The following ERC2 variants were observed in gnomAD, a reference collection of about 807,000 sequenced individuals.
ERC2 encodes the protein ERC protein 2.
A neutral mutation model predicts 114.8 loss-of-function variants in ERC2; 42 were observed. The ratio of observed to expected loss-of-function variants is 0.37; its 90% CI spans 0.29 to 0.47. ERC2 has a LOEUF of 0.47. Among genes scored for constraint, ERC2 ranks in the 20% least tolerant of loss-of-function variants. The probability of loss-of-function intolerance (pLI) is 0.99; values close to 1 mark genes in which losing one functional copy is unlikely to be tolerated. For synonymous variants in ERC2, 454 were observed against 425.5 expected (o/e 1.07, Z -0.82); for missense variants, 939 against 1,150.7 (o/e 0.82, Z 2.66).
chr3:55,997,915 TG>T (rs1559997021), intron 10 of ERC2, among the ~76,000 whole-genome samples: 45 of 38,812 alleles, frequency 1.2e-3, no homozygotes, highest in Non-Finnish European at 1.4e-3. Flanking sequence ...TTTGTGTGTG[TG>T]TGTGTGTTTT....
chr3:55,704,919 T>A (rs745931279), intron 15 of ERC2, among the ~76,000 whole-genome samples: 11 of 152,236 alleles, frequency 7.2e-5, no homozygotes, highest in Non-Finnish European at 2.9e-5. Flanking sequence ...TCCTGCTGAA[T>A]CCTCACTCCT....
At chr3:56,300,256 T>A (rs2055774343) in intron 2 of ERC2, among the ~76,000 whole-genome samples, 1 of 143,418 alleles carries the variant, frequency 7.0e-6, no homozygotes. Context: ...AGTTACTGAG[T>A]ATCTCCCTCA....
At chr3:55,589,240 A>AGAGAGG (rs1553713972) in intron 17 of ERC2, among the ~76,000 whole-genome samples, 16 of 143,804 alleles carry the variant, frequency 1.1e-4, no homozygotes, top group Admixed American at 6.9e-4. Context: ...AAAAAGAGAG[A>AGAGAGG]GAGAGAAGGA....
intron 1 of ERC2, among the ~76,000 whole-genome samples, chr3:56,460,858 C>A (rs955921015): frequency 6.6e-6 from 1 of 151,754 alleles, no homozygotes. Flanking sequence ...TGGTGGCTCA[C>A]GCCTGTAATC....
At chr3:55,950,262 T>A (rs1262186426) in intron 13 of ERC2, among the ~76,000 whole-genome samples, 163 bp downstream of exon 13, 1 of 152,346 alleles carries the variant, frequency 6.6e-6, no homozygotes, top group East Asian at 1.9e-4. Context: ...CTGAAAATGA[T>A]GACCCTCCCT....
intron 3 of ERC2, among the ~76,000 whole-genome samples, chr3:56,293,455 A>G (rs1057038961): frequency 3.3e-5 from 5 of 152,172 alleles, no homozygotes. Context: ...AATATGACCA[A>G]TTCCAGGCTA....
chr3:56,331,661 C>T (rs2057621850), intron 2 of ERC2, among the ~76,000 whole-genome samples: 1 of 145,978 alleles, frequency 6.9e-6, no homozygotes, highest in African/African-American at 2.5e-5. Context: ...GGAAGAAGTA[C>T]AGGAGAGCAC....
chr3:55,831,255 T>C, intron 14 of ERC2, among the ~76,000 whole-genome samples: 1 of 145,592 alleles, frequency 6.9e-6, no homozygotes. Flanking sequence ...AAGACTACAG[T>C]GAGTTGTGAT....
intron 13 of ERC2, among the ~76,000 whole-genome samples, chr3:55,895,753 T>C (rs909473105): frequency 6.6e-6 from 1 of 152,150 alleles, no homozygotes; most frequent in African/African-American, 2.4e-5. Context: ...TGAAACACCC[T>C]CCTTTGACCC....
intron 12 of ERC2, among the ~76,000 whole-genome samples, chr3:55,984,330 A>C (rs1305764687): frequency 6.6e-6 from 1 of 152,116 alleles, no homozygotes; most frequent in Non-Finnish European, 1.5e-5. Context: ...ATAAGTTCCT[A>C]GAGCATAAAA....
At chr3:55,634,676 T>C (rs1041835903) in intron 17 of ERC2, among the ~76,000 whole-genome samples, 2 of 152,204 alleles carry the variant, frequency 1.3e-5, no homozygotes, top group African/African-American at 4.8e-5. Context: ...AAGATGGTCT[T>C]CTCCTATTTC....
intron 10 of ERC2, among the ~76,000 whole-genome samples, chr3:56,001,897 T>C (rs1407767376): frequency 6.6e-6 from 1 of 152,140 alleles, no homozygotes; most frequent in African/African-American, 2.4e-5. Flanking sequence ...ACTCATTTTT[T>C]CCCAGGGTGT....
chr3:55,730,312 A>G (rs1045676410), intron 15 of ERC2, among the ~76,000 whole-genome samples: 40 of 152,210 alleles, frequency 2.6e-4, no homozygotes, highest in Admixed American at 2.6e-3. Flanking sequence ...GCCAGACAAA[A>G]TATCTGTTAT....
chr3:55,989,048 G>A (rs2070853003), intron 11 of ERC2, among the ~76,000 whole-genome samples: 1 of 152,182 alleles, frequency 6.6e-6, no homozygotes, highest in Non-Finnish European at 1.5e-5. Context: ...GGCCTGGGCT[G>A]GGGCTGAAGC....
At position 56,432,689 on chromosome 3, in the gene ERC2, C is replaced by T. The variant is rs2061844731; in HGVS notation, c.657+1662G>A. Among the ~76,000 whole-genome samples the T allele has an allele frequency of 2.0e-5, 3 of 152,214 alleles. No individual in the cohort carries two copies. In the South Asian group the frequency reaches 6.2e-4, roughly 32 times the overall value. On this transcript the variant is annotated intron_variant, in intron 2 of 17. Transcript: ENST00000288221. Reference sequence around the variant, plus strand: ...GCTTAAACTCCAAAGGAGTGGTAGCCAGGGAAACAGTTAGGAGGGTCAGCA... The same window carrying T: ...GCTTAAACTCCAAAGGAGTGGTAGCTAGGGAAACAGTTAGGAGGGTCAGCA...
chr3:55,529,673 C>G (rs374824542), intron 17 of ERC2, among the ~76,000 whole-genome samples: 9 of 152,280 alleles, frequency 5.9e-5, no homozygotes, highest in African/African-American at 1.4e-4. Context: ...GTGCAATTTA[C>G]GTGAATAATC....
At chr3:56,173,142 A>G (rs535286867) in intron 4 of ERC2, among the ~76,000 whole-genome samples, 4 of 152,336 alleles carry the variant, frequency 2.6e-5, no homozygotes, top group Admixed American at 1.3e-4. Context: ...ATTGTAGTTT[A>G]AAAATTTTAC....
intron 1 of ERC2, chr3:56,467,004 A>G (rs2063573959): frequency 6.6e-6 from 1 of 152,152 alleles, no homozygotes; most frequent in South Asian, 2.1e-4. Context: ...AACTACTACA[A>G]CTAATAATCA....
At chr3:56,291,383 A>G (rs2055075412) in intron 3 of ERC2, among the ~76,000 whole-genome samples, 1 of 152,210 alleles carries the variant, frequency 6.6e-6, no homozygotes, top group Non-Finnish European at 1.5e-5. Flanking sequence ...AAGTAAGTTG[A>G]GATCATAACC....
Sources: allele counts gnomAD v4.1 joint callset (sites outside exome capture counted in the v4.1 genomes callset), GRCh38; gene constraint gnomAD v4.1.1; transcripts MANE v1.5; gene names NCBI Gene and HGNC (gene_info 2026-07-23, HGNC 2026-07-21).